MYLK: variants seen among roughly 807,000 people sequenced by gnomAD.
MYLK encodes myosin light chain kinase, smooth muscle.
In MYLK, 106 loss-of-function variants were observed where a neutral mutation model predicts 203.4. The ratio of observed to expected loss-of-function variants is 0.52; its 90% CI spans 0.45 to 0.61. The LOEUF is 0.61. Ranked by LOEUF, MYLK falls within the 20% of genes least tolerant of loss-of-function variation. The probability of loss-of-function intolerance (pLI) is 0.00; values close to 1 mark genes in which losing one functional copy is unlikely to be tolerated. For synonymous variants in MYLK, 867 were observed against 959.5 expected, an observed-to-expected ratio of 0.90 and a Z score of 1.78; for missense variants, 2,072 against 2,442.3, an observed-to-expected ratio of 0.85 and a Z score of 3.20.
intron 5 of MYLK, 81 bp downstream of exon 5, chr3:123,752,250 A>C: frequency 8.4e-6 from 12 of 1,432,992 alleles, no homozygotes; most frequent in Non-Finnish European, 1.2e-5. Flanking sequence ...ATCCTTCAAG[A>C]GAGGGCTAAG....
intron 13 of MYLK, among the ~76,000 whole-genome samples, chr3:123,712,400 C>G (rs35020472): frequency 0.012 from 1,821 of 152,326 alleles, 20 homozygotes; most frequent in Middle Eastern, 0.024. Context: ...GAGTCCCCAG[C>G]CTTACAGAGC....
chr3:123,686,119 A>C (rs1307898749), intron 19 of MYLK, among the ~76,000 whole-genome samples: 1 of 152,246 alleles, frequency 6.6e-6, no homozygotes, highest in Non-Finnish European at 1.5e-5. Context: ...GGATAAAAAT[A>C]ATAGTAATAT....
At chr3:123,816,965 G>T (rs1468735818) in intron 3 of MYLK, among the ~76,000 whole-genome samples, 1 of 152,208 alleles carries the variant, frequency 6.6e-6, no homozygotes, top group East Asian at 1.9e-4. Flanking sequence ...TGTAGAGGCT[G>T]CTGTTAGCAC....
At chr3:123,838,332 TAC>T (rs1012965369) in intron 2 of MYLK, among the ~76,000 whole-genome samples, 15 of 151,940 alleles carry the variant, frequency 9.9e-5, no homozygotes, top group Non-Finnish European at 1.9e-4. Context: ...AAAAGAAAAA[TAC>T]AGACTTTGGA....
rs1362195778 is a variant in MYLK at position 123,822,093 on chromosome 3, G to A, written c.-4+9455C>T. Among the ~76,000 whole-genome samples, 3 of 152,070 alleles carry A rather than the reference G, an allele frequency of 2.0e-5. No homozygotes were observed. The East Asian group carries it at 5.8e-4, about 29-fold the overall frequency. On this transcript the variant is annotated intron_variant, in intron 3 of 33. Coordinates refer to ENST00000360304, the MANE Select transcript of MYLK (RefSeq NM_053025.4). ...CTCTCTTGTCCTTCTACCTTCCACC[G>A]TGGGATGACACAGCAAGAAGGCCCT...
intron 20 of MYLK, among the ~76,000 whole-genome samples, chr3:123,678,799 CT>C (rs2060159723): frequency 6.6e-6 from 1 of 152,068 alleles, no homozygotes; most frequent in Admixed American, 6.5e-5. Context: ...AATTGATGTA[CT>C]TGTGCCTGTA....
chr3:123,671,636 A>G (rs978334092), intron 20 of MYLK, among the ~76,000 whole-genome samples: 1 of 152,204 alleles, frequency 6.6e-6, no homozygotes, highest in Non-Finnish European at 1.5e-5. Flanking sequence ...GGAGTAAAAT[A>G]GTCAAGGATC....
At chr3:123,799,175 C>T (rs560988604) in intron 3 of MYLK, among the ~76,000 whole-genome samples, 1 of 137,050 alleles carries the variant, frequency 7.3e-6, no homozygotes. Context: ...CTCCCCCTTA[C>T]CCCCCTTACC....
intron 23 of MYLK, 57 bp downstream of exon 23, chr3:123,664,048 G>T: frequency 6.2e-7 from 1 of 1,611,438 alleles, no homozygotes; most frequent in Non-Finnish European, 8.5e-7. Flanking sequence ...ATCTTGCCTG[G>T]GGGCTCCCTG....
intron 29 of MYLK, among the ~76,000 whole-genome samples, chr3:123,635,880 T>G (rs889312927): frequency 1.3e-5 from 2 of 152,296 alleles, no homozygotes; most frequent in African/African-American, 4.8e-5. Flanking sequence ...TGGATTATAT[T>G]CACACAATGG....
At chr3:123,755,213 G>A (rs561559031) in intron 4 of MYLK, among the ~76,000 whole-genome samples, 3 of 152,262 alleles carry the variant, frequency 2.0e-5, no homozygotes, top group East Asian at 1.9e-4. Flanking sequence ...CATTAACTGC[G>A]CCAAAGGCGT....
intron 31 of MYLK, among the ~76,000 whole-genome samples, chr3:123,625,675 G>C (rs1033265462): frequency 8.6e-5 from 13 of 151,530 alleles, no homozygotes; most frequent in Non-Finnish European, 1.9e-4. Context: ...AGGCGTGGTG[G>C]TGGGCGCCTG....
chr3:123,652,598 G>C (rs763467004), intron 24 of MYLK, among the ~76,000 whole-genome samples: 1 of 152,222 alleles, frequency 6.6e-6, no homozygotes, highest in Non-Finnish European at 1.5e-5. Context: ...GGATGGGAGC[G>C]GTACAGGCTT....
chr3:123,759,818 T>C (rs1440287488), intron 4 of MYLK, among the ~76,000 whole-genome samples: 4 of 152,142 alleles, frequency 2.6e-5, no homozygotes, highest in Admixed American at 1.3e-4. Flanking sequence ...TTTTCTTGCC[T>C]CCTCCCAGAA....
chr3:123,751,736 T>C (rs1191609000), intron 5 of MYLK, among the ~76,000 whole-genome samples: 1 of 152,144 alleles, frequency 6.6e-6, no homozygotes, highest in Non-Finnish European at 1.5e-5. Context: ...GAGATGGTAA[T>C]ACGTCCTAAA....
chr3:123,662,117 T>C (rs190490229), intron 23 of MYLK, among the ~76,000 whole-genome samples: 107 of 152,306 alleles, frequency 7.0e-4, no homozygotes, highest in Non-Finnish European at 1.6e-4. Context: ...AACAACTCTC[T>C]GGCATGTGGA....
chr3:123,615,423 T>G (rs2057424983), intron 33 of MYLK, among the ~76,000 whole-genome samples: 1 of 151,914 alleles, frequency 6.6e-6, no homozygotes, highest in Non-Finnish European at 1.5e-5. Context: ...AACCTCCGCC[T>G]CCTTGGTTCA....
At chr3:123,872,157 C>T (rs1038391062) in intron 2 of MYLK, among the ~76,000 whole-genome samples, 2 of 152,088 alleles carry the variant, frequency 1.3e-5, no homozygotes, top group Non-Finnish European at 2.9e-5. Context: ...TGTCTGTGGC[C>T]GCTTTCATGC....
At chr3:123,738,236 A>T (rs1490243989) in intron 7 of MYLK, among the ~76,000 whole-genome samples, 1 of 152,202 alleles carries the variant, frequency 6.6e-6, no homozygotes, top group Non-Finnish European at 1.5e-5. Flanking sequence ...CTGTGGCTTA[A>T]CACCTAGAAC....
Sources: gnomAD v4.1 joint callset for allele counts (sites outside exome capture counted in the v4.1 genomes callset) on GRCh38, gnomAD v4.1.1 for gene constraint, MANE v1.5 for transcripts, NCBI Gene and HGNC (gene_info 2026-07-23, HGNC 2026-07-21) for gene names.